FGF9: variants seen among roughly 807,000 people sequenced by gnomAD.
FGF9 encodes fibroblast growth factor 9 (glia-activating factor).
Under a neutral mutation model 19.9 loss-of-function variants are expected in FGF9, and 3 were observed. The ratio of observed to expected loss-of-function variants is 0.15; its 90% CI spans 0.07 to 0.39. The LOEUF (loss-of-function observed/expected upper bound fraction) is 0.39, where lower values mean the gene tolerates loss of function less well. Among genes scored for constraint, FGF9 ranks in the 10% least tolerant of loss-of-function variants. FGF9 has a pLI of 1.00. For synonymous variants in FGF9, 107 were observed against 106.9 expected, an observed-to-expected ratio of 1.00 and a Z score of -0.01; for missense variants, 175 against 256.8, an observed-to-expected ratio of 0.68 and a Z score of 2.18.
chr13:21,696,388 C>T (rs1446230181), intron 2 of FGF9, among the ~76,000 whole-genome samples: 1 of 152,140 alleles, frequency 6.6e-6, no homozygotes, highest in Admixed American at 6.5e-5. Context: ...TCCACATTCT[C>T]CACCCAAGCC....
At chr13:21,681,199 C>A in intron 2 of FGF9, 54 bp downstream of exon 2, 1 of 1,288,010 alleles carries the variant, frequency 7.8e-7, no homozygotes, top group Non-Finnish European at 1.1e-6. Flanking sequence ...ATTTGAACAG[C>A]TGTCTTTTCT....
chr13:21,675,086 C>T (rs1039154574), intron 1 of FGF9, among the ~76,000 whole-genome samples: 5 of 151,254 alleles, frequency 3.3e-5, no homozygotes, highest in African/African-American at 7.3e-5. Flanking sequence ...GAGCGGAAGC[C>T]CCGGCCCAGG....
chr13:21,686,662 G>C (rs1397898905), intron 2 of FGF9, among the ~76,000 whole-genome samples: 1 of 152,198 alleles, frequency 6.6e-6, no homozygotes. Flanking sequence ...TGGAGTCAGA[G>C]TCTTTGGCTT....
rs115025644 is a variant in FGF9, at chr13:21,671,484, G to A, written c.-429G>A. On this transcript the variant is annotated 5_prime_UTR_variant, in exon 1 of 3. It adds an upstream start codon to the 5' untranslated region. Transcript: ENST00000382353. The stretch of plus-strand genomic sequence containing the variant: ...GGATCCGTAAATTCTGACGTAGCCC[G>A]TGCATCTTAAAAATCCCTATAATAA... 996 of 453,618 alleles carry A rather than the reference G, an allele frequency of 2.2e-3. 9 individuals are homozygous for A. Among genetic ancestry groups the A allele is most frequent in the African/African-American group, 0.018 (873 of 49,854 alleles). 28.1% of individuals were successfully genotyped at this position (453,618 alleles called of 1,614,324 possible).
intron 2 of FGF9, among the ~76,000 whole-genome samples, chr13:21,697,902 G>C (rs1248072008): frequency 2.0e-5 from 3 of 151,734 alleles, no homozygotes; most frequent in African/African-American, 7.3e-5. Context: ...CGCCCTCCCG[G>C]GTTCACGCCA....
intron 2 of FGF9, among the ~76,000 whole-genome samples, chr13:21,686,183 C>T (rs980961314): frequency 6.6e-6 from 1 of 152,198 alleles, no homozygotes; most frequent in Non-Finnish European, 1.5e-5. Flanking sequence ...TGCGTGCCAC[C>T]AAGCCTGGCT....
chr13:21,675,680 G>A (rs1479963184), intron 1 of FGF9, among the ~76,000 whole-genome samples: 1 of 152,194 alleles, frequency 6.6e-6, no homozygotes, highest in Non-Finnish European at 1.5e-5. Context: ...TGTAGGTGGG[G>A]GGTGCGGTGG....
At chr13:21,695,077 T>C (rs1007349988) in intron 2 of FGF9, among the ~76,000 whole-genome samples, 4 of 144,556 alleles carry the variant, frequency 2.8e-5, no homozygotes, top group South Asian at 2.1e-4. Flanking sequence ...TGCGTGTGTG[T>C]GTGTGCGTGT....
Position 21,701,483 on chromosome 13 carries a change from A to C in FGF9, c.*48A>C. On this transcript the variant is annotated 3_prime_UTR_variant, in exon 3 of 3. Transcript: ENST00000382353. ...GCCCTTAAAAAAGTAACCACTATAA[A>C]GGTTTCACGCGGTGGGTTCTTATTG... 1 of 1,613,430 alleles carries C rather than the reference A, an allele frequency of 6.2e-7. No individual in the cohort carries two copies. Among genetic ancestry groups the C allele is most frequent in the Non-Finnish European group, 8.5e-7 (1 of 1,179,624 alleles).
chr13:21,683,313 CA>C (rs1222782607), intron 2 of FGF9, among the ~76,000 whole-genome samples: 1 of 152,224 alleles, frequency 6.6e-6, no homozygotes, highest in Non-Finnish European at 1.5e-5. Flanking sequence ...TGGCACACCC[CA>C]GTTCCTAGCA....
rs1043811166 is a variant in FGF9, at chr13:21,701,670, AGAG to A, written c.*239_*241del. On this transcript the variant is annotated 3_prime_UTR_variant, in exon 3 of 3. Coordinates refer to ENST00000382353, the MANE Select transcript of FGF9 (RefSeq NM_002010.3). ...CACTTGCTTGATTTATCATGAGAGA[AGAG>A]GAGAGAGAGAGAGACTGAGCGCTAG... 28 of 525,114 alleles carry A rather than the reference AGAG, an allele frequency of 5.3e-5. No homozygotes were observed. Among genetic ancestry groups the A allele is most frequent in the Middle Eastern group, 5.3e-4 (1 of 1,892 alleles). The allele number at this position is 525,114 out of a possible 1,614,324, so 32.5% of individuals were successfully genotyped here. A position where few individuals can be genotyped will look rare whatever the true frequency, so the allele number is the denominator to read the frequency against.
chr13:21,676,906 G>A (rs1343640429), intron 1 of FGF9, among the ~76,000 whole-genome samples: 3 of 152,190 alleles, frequency 2.0e-5, no homozygotes, highest in African/African-American at 7.2e-5. Flanking sequence ...AATGGTCCAT[G>A]TGAACAGAAC....
rs145980295 is a variant in FGF9, at chr13:21,691,874, G to A, written c.382-9316G>A. 6.6e-3 allele frequency among the ~76,000 whole-genome samples: 1,001 copies of A among 152,276 alleles called. 7 individuals are homozygous for A. The highest frequency in any genetic ancestry group is 0.021 in the Middle Eastern group (6 of 292). Reference sequence around the variant, plus strand: ...CCCGTTGCAGAGGGCTTCCCCCGAGGACTAAAAGGTTATGGTGCTAAGTGT... The same window carrying A: ...CCCGTTGCAGAGGGCTTCCCCCGAGAACTAAAAGGTTATGGTGCTAAGTGT... On this transcript the variant is annotated intron_variant, in intron 2 of 2. Coordinates refer to ENST00000382353, the MANE Select transcript of FGF9 (RefSeq NM_002010.3). This position sits in a 1 kb window ranked among gnomAD's most constrained non-coding sequence, Gnocchi z 4.2.
Position 21,671,811 on chromosome 13 carries a change from A to C in FGF9, c.-102A>C. The C allele has an allele frequency of 1.6e-5, 20 of 1,258,764 alleles. No individual in the cohort carries two copies. The highest frequency in any genetic ancestry group is 2.2e-5 in the Non-Finnish European group (19 of 859,136). The allele number at this position is 1,258,764 out of a possible 1,614,324, so 78.0% of individuals were successfully genotyped here. On this transcript the variant is annotated 5_prime_UTR_variant, in exon 1 of 3. Coordinates refer to ENST00000382353, the MANE Select transcript of FGF9 (RefSeq NM_002010.3). The stretch of plus-strand genomic sequence containing the variant: ...ACCTTTTTTTTCTCTCTCTCTCTGC[A>C]ACTGCAGTAAGGGAGGGGAGTTGGA...
chr13:21,676,476 C>T (rs916820541), intron 1 of FGF9, among the ~76,000 whole-genome samples: 2 of 152,184 alleles, frequency 1.3e-5, no homozygotes, highest in African/African-American at 4.8e-5. Flanking sequence ...AGGATTGCTT[C>T]AGGTTCTGGA....
intron 2 of FGF9, among the ~76,000 whole-genome samples, chr13:21,689,764 C>G (rs1483659775): frequency 6.6e-6 from 1 of 152,172 alleles, no homozygotes; most frequent in Non-Finnish European, 1.5e-5. Flanking sequence ...AGTGCTGACT[C>G]CTGCTTCCCC....
intron 2 of FGF9, among the ~76,000 whole-genome samples, chr13:21,695,090 G>T (rs1409128897): frequency 6.8e-6 from 1 of 147,324 alleles, no homozygotes; most frequent in East Asian, 2.0e-4. Flanking sequence ...GTGCGTGTGT[G>T]TGTGTGTGTG....
chr13:21,687,579 C>T (rs958163417), intron 2 of FGF9, among the ~76,000 whole-genome samples: 6 of 152,180 alleles, frequency 3.9e-5, no homozygotes, highest in South Asian at 2.1e-4. Context: ...CCAGCCTTGG[C>T]GCTTGGTGCA....
At position 21,701,564 on chromosome 13, in the gene FGF9, T is replaced by C. The variant is rs1012202373; in HGVS notation, c.*129T>C. 4 of 1,297,880 alleles carry C rather than the reference T, an allele frequency of 3.1e-6. No individual in the cohort carries two copies. Among genetic ancestry groups the C allele is most frequent in the Non-Finnish European group, 3.3e-6 (3 of 901,758 alleles). The allele number at this position is 1,297,880 out of a possible 1,614,324, so 80.4% of individuals were successfully genotyped here. A position where few individuals can be genotyped will look rare whatever the true frequency, so the allele number is the denominator to read the frequency against. Reference sequence around the variant, plus strand: ...TTGCCAAACTTTGTCGCATGCATAATGTATGATGGAGGCTTGGATGGGAAT... The same window carrying C: ...TTGCCAAACTTTGTCGCATGCATAACGTATGATGGAGGCTTGGATGGGAAT... On this transcript the variant is annotated 3_prime_UTR_variant, in exon 3 of 3. Coordinates refer to ENST00000382353, the MANE Select transcript of FGF9 (RefSeq NM_002010.3).
Sources: allele counts gnomAD v4.1 joint callset (sites outside exome capture counted in the v4.1 genomes callset), GRCh38; gene constraint gnomAD v4.1.1; non-coding constraint Gnocchi (gnomAD v3.1); transcripts MANE v1.5; gene names NCBI Gene and HGNC (gene_info 2026-07-23, HGNC 2026-07-21).